Variants in CIMIP4 observed in about 807,000 individuals in gnomAD.
CIMIP4 encodes the protein protein EAN57.
chr22:37,002,325 AGAGGGG>A, the CIMIP4 span: 1 of 1,120,886 alleles, frequency 8.9e-7, no homozygotes, highest in Non-Finnish European at 1.1e-6. Flanking sequence ...AAAGAGAAAC[AGAGGGG>A]GAGGGAGAGA....
the CIMIP4 span, among the ~76,000 whole-genome samples, chr22:36,994,589 G>A: frequency 6.8e-6 from 1 of 147,058 alleles, no homozygotes; most frequent in South Asian, 2.1e-4. Context: ...GGATGATCTC[G>A]ATCTCTTGAC....
the CIMIP4 span, chr22:37,002,081 T>A: frequency 6.2e-7 from 1 of 1,601,086 alleles, no homozygotes; most frequent in Non-Finnish European, 8.5e-7. Context: ...GCCCAGAGAA[T>A]CCCTGCTGGC....
At chr22:36,997,784 G>C in the CIMIP4 span, among the ~76,000 whole-genome samples, 1 of 152,172 alleles carries the variant, frequency 6.6e-6, no homozygotes, top group Non-Finnish European at 1.5e-5. Context: ...CAGGCTTCAC[G>C]ACCCAGCCTG....
At chr22:37,002,057 G>T in the CIMIP4 span, 2 of 1,609,022 alleles carry the variant, frequency 1.2e-6, no homozygotes, top group Non-Finnish European at 1.7e-6. Flanking sequence ...CAGGGACCTG[G>T]ACTGTGGGTC....
chr22:37,000,069 C>A, the CIMIP4 span: 1 of 1,494,424 alleles, frequency 6.7e-7, no homozygotes, highest in Non-Finnish European at 9.0e-7. Flanking sequence ...CCTCCCTTGA[C>A]CCTGCCCTCC....
the CIMIP4 span, chr22:37,002,340 G>C: frequency 2.5e-5 from 26 of 1,031,832 alleles, no homozygotes; most frequent in Non-Finnish European, 3.0e-5. Context: ...GGGAGGGAGA[G>C]AGACACGCAG....
At chr22:36,991,252 A>G in the CIMIP4 span, 12 of 1,614,146 alleles carry the variant, frequency 7.4e-6, no homozygotes, top group Non-Finnish European at 1.0e-5. Flanking sequence ...GTTCAGGTTC[A>G]TAGCATTTTT....
chr22:36,997,879 G>C, the CIMIP4 span, among the ~76,000 whole-genome samples: 2 of 152,212 alleles, frequency 1.3e-5, no homozygotes, highest in Admixed American at 6.5e-5. Context: ...GCTAACCCTG[G>C]GTGGGTGGAA....
At chr22:37,002,199 T>A in the CIMIP4 span, 112 of 1,481,108 alleles carry the variant, frequency 7.6e-5, no homozygotes, top group Non-Finnish European at 9.5e-5. Flanking sequence ...AGACCCTGGT[T>A]CTTGAACTTG....
At chr22:37,002,844 C>T in the CIMIP4 span, among the ~76,000 whole-genome samples, 366 of 152,276 alleles carry the variant, frequency 2.4e-3, 3 homozygotes, top group African/African-American at 8.2e-3. Flanking sequence ...CAAGACTGCT[C>T]CCCAATACCT....
the CIMIP4 span, chr22:37,001,695 C>A: frequency 1.2e-6 from 1 of 846,460 alleles, no homozygotes; most frequent in Non-Finnish European, 1.7e-6. Flanking sequence ...TTAAACAGTG[C>A]ACAGTGTTTG....
At chr22:36,995,696 CT>C in the CIMIP4 span, among the ~76,000 whole-genome samples, 1 of 152,154 alleles carries the variant, frequency 6.6e-6, no homozygotes, top group South Asian at 2.1e-4. Context: ...GATCTGATGG[CT>C]TTATAAGGGG....
chr22:36,995,215 A>G, the CIMIP4 span, among the ~76,000 whole-genome samples: 1 of 152,250 alleles, frequency 6.6e-6, no homozygotes, highest in Non-Finnish European at 1.5e-5. Flanking sequence ...ACCTGGACAC[A>G]GAGGGAAAAG....
chr22:36,999,908 A>C, the CIMIP4 span: 7 of 1,613,860 alleles, frequency 4.3e-6, no homozygotes, highest in Non-Finnish European at 5.9e-6. Flanking sequence ...GGAGATTTCC[A>C]CAGGATTCTG....
the CIMIP4 span, among the ~76,000 whole-genome samples, chr22:36,996,346 A>G: frequency 6.6e-6 from 1 of 152,122 alleles, no homozygotes; most frequent in Non-Finnish European, 1.5e-5. Flanking sequence ...ATACGAGATT[A>G]ATATACAAAA....
the CIMIP4 span, among the ~76,000 whole-genome samples, chr22:36,993,254 C>T: frequency 1.3e-5 from 2 of 151,814 alleles, no homozygotes; most frequent in Admixed American, 1.3e-4. Context: ...TTGTGATCCG[C>T]CCATCTCGGC....
At chr22:36,991,181 A>G in the CIMIP4 span, 1 of 1,613,956 alleles carries the variant, frequency 6.2e-7, no homozygotes, top group Non-Finnish European at 8.5e-7. Context: ...TGTCAAAACT[A>G]GTACTTGGAG....
chr22:36,996,764 G>C, the CIMIP4 span, among the ~76,000 whole-genome samples: 1 of 152,284 alleles, frequency 6.6e-6, no homozygotes, highest in South Asian at 2.1e-4. Context: ...GGTAGTGGGA[G>C]TATTGCCTGA....
the CIMIP4 span, chr22:37,004,112 C>T: frequency 9.6e-5 from 122 of 1,272,498 alleles, no homozygotes; most frequent in Admixed American, 2.8e-3. Flanking sequence ...AACAGGAAGG[C>T]CTGTGGCTGT....
Sources: allele counts gnomAD v4.1 joint callset (sites outside exome capture counted in the v4.1 genomes callset), GRCh38; gene constraint gnomAD v4.1.1; transcripts MANE v1.5; gene names NCBI Gene and HGNC (gene_info 2026-07-23, HGNC 2026-07-21).